The following CD247 variants were observed in gnomAD, a reference collection of about 807,000 sequenced individuals.
CD247 encodes CD247 molecule.
Under a neutral mutation model 30.0 loss-of-function variants are expected in CD247, and 13 were observed. The observed-to-expected ratio is 0.43, with a 90% CI of 0.28 to 0.69. CD247 has a LOEUF of 0.69. CD247 is among the 30% of genes least tolerant of loss of function. The pLI is 0.16. For synonymous variants in CD247, 72 were observed against 80.0 expected, an observed-to-expected ratio of 0.90 and a Z score of 0.53; for missense variants, 193 against 212.6, an observed-to-expected ratio of 0.91 and a Z score of 0.57.
chr1:167,458,426 G>C (rs186025569), intron 1 of CD247: 2 of 152,486 alleles, frequency 1.3e-5, no homozygotes, highest in Non-Finnish European at 2.9e-5. Context: ...ATGCCACCCA[G>C]CACAGCATCC....
At chr1:167,473,596 T>C (rs1653622984) in intron 1 of CD247, among the ~76,000 whole-genome samples, 1 of 152,212 alleles carries the variant, frequency 6.6e-6, no homozygotes, top group Admixed American at 6.5e-5. Context: ...GGGGAGTTCG[T>C]GCAGAACTGG....
chr1:167,517,817 C>T (rs1000288732), intron 1 of CD247, among the ~76,000 whole-genome samples: 1 of 152,172 alleles, frequency 6.6e-6, no homozygotes, highest in African/African-American at 2.4e-5. Flanking sequence ...CATGAGGTGG[C>T]GAAGGCGCTG....
chr1:167,484,401 C>T lies in CD247; in HGVS notation c.58+34007G>A, dbSNP rs557120170. Among the ~76,000 whole-genome samples the T allele has an allele frequency of 2.6e-5, 4 of 152,320 alleles. No individual in the cohort carries two copies. In the East Asian group the frequency reaches 7.7e-4, roughly 29 times the overall value. ...CTGAAGTCCCCTCTGTACACCCTTC[C>T]CCTTTGGGAGCCCAGAGGCCAAGGT... On this transcript the variant is annotated intron_variant, in intron 1 of 7. Transcript: ENST00000362089.
intron 1 of CD247, among the ~76,000 whole-genome samples, chr1:167,457,986 C>T (rs1324645766): frequency 6.6e-6 from 1 of 152,184 alleles, no homozygotes; most frequent in Non-Finnish European, 1.5e-5. Flanking sequence ...TTTCGCCCCT[C>T]ACATTTTCAA....
At chr1:167,511,524 T>A (rs1353839609) in intron 1 of CD247, among the ~76,000 whole-genome samples, 1 of 152,172 alleles carries the variant, frequency 6.6e-6, no homozygotes, top group Non-Finnish European at 1.5e-5. Flanking sequence ...TTTAGAACCA[T>A]CATAATACGT....
At chr1:167,505,105 T>A (rs1480221664) in intron 1 of CD247, among the ~76,000 whole-genome samples, 2 of 152,132 alleles carry the variant, frequency 1.3e-5, no homozygotes, top group East Asian at 1.9e-4. Flanking sequence ...GAGTGAAGAT[T>A]CCCTTGTACA....
chr1:167,464,508 T>C (rs1156263312), intron 1 of CD247, among the ~76,000 whole-genome samples: 1 of 152,182 alleles, frequency 6.6e-6, no homozygotes, highest in Non-Finnish European at 1.5e-5. Context: ...GGAAACTCCA[T>C]GGGGAGAAGC....
chr1:167,488,176 A>G lies in CD247; in HGVS notation c.58+30232T>C, dbSNP rs143814667. ...AATGAGATGATAATATGAGCACTCT[A>G]TTGTAAAGTGGAAATCAGGATACAG... On this transcript the variant is annotated intron_variant, in intron 1 of 7. Coordinates refer to ENST00000362089, the MANE Select transcript of CD247 (RefSeq NM_198053.3). Among the ~76,000 whole-genome samples the G allele has an allele frequency of 3.2e-3, 488 of 152,360 alleles. 4 individuals carry two copies. Among genetic ancestry groups the G allele is most frequent in the African/African-American group, 0.011 (459 of 41,584 alleles).
At chr1:167,475,887 G>T (rs1653726012) in intron 1 of CD247, among the ~76,000 whole-genome samples, 1 of 152,104 alleles carries the variant, frequency 6.6e-6, no homozygotes, top group South Asian at 2.1e-4. Context: ...AATGAACTGT[G>T]AAGTAAAAAA....
At chr1:167,459,554 T>C (rs935126022) in intron 1 of CD247, 10 of 152,298 alleles carry the variant, frequency 6.6e-5, no homozygotes, top group African/African-American at 2.2e-4. Context: ...GATTTTGCCA[T>C]GTTGGCCAGG....
intron 1 of CD247, among the ~76,000 whole-genome samples, chr1:167,473,672 T>C (rs748671890): frequency 3.9e-5 from 6 of 152,252 alleles, no homozygotes; most frequent in Non-Finnish European, 7.3e-5. Flanking sequence ...CAAGGGTCAC[T>C]GTGCTCTGCA....
intron 1 of CD247, among the ~76,000 whole-genome samples, chr1:167,454,891 C>A (rs953098793): frequency 2.0e-5 from 3 of 152,252 alleles, no homozygotes; most frequent in Non-Finnish European, 4.4e-5. Flanking sequence ...GCTCTGGGAT[C>A]CGTCCTGCCG....
chr1:167,459,407 C>T (rs1652892321), intron 1 of CD247, among the ~76,000 whole-genome samples: 3 of 126,950 alleles, frequency 2.4e-5, no homozygotes, highest in Non-Finnish European at 3.1e-5. Context: ...GGCTGGAGTG[C>T]AGTGGCATGA....
At chr1:167,456,613 C>T (rs1459230544) in intron 1 of CD247, among the ~76,000 whole-genome samples, 2 of 152,162 alleles carry the variant, frequency 1.3e-5, no homozygotes, top group African/African-American at 2.4e-5. Flanking sequence ...CCTTGTAACA[C>T]GTTCCCCCAG....
At chr1:167,489,329 G>T in intron 1 of CD247, among the ~76,000 whole-genome samples, 1 of 152,116 alleles carries the variant, frequency 6.6e-6, no homozygotes, top group Non-Finnish European at 1.5e-5. Context: ...TATTTAAATA[G>T]GATGAAATGT....
intron 4 of CD247, 47 bp from the exon 5 acceptor site, chr1:167,435,481 C>T: frequency 6.5e-7 from 1 of 1,528,166 alleles, no homozygotes; most frequent in Non-Finnish European, 9.1e-7. Flanking sequence ...AACACAAACC[C>T]AAGCCATGAA....
chr1:167,497,665 G>T (rs1240369020), intron 1 of CD247, among the ~76,000 whole-genome samples: 1 of 152,168 alleles, frequency 6.6e-6, no homozygotes, highest in Non-Finnish European at 1.5e-5. Context: ...AACAGAAAAA[G>T]CACTGGGCTG....
rs1018044256 is a variant in CD247 at position 167,451,209 on chromosome 1, T to C, written c.59-10442A>G. On this transcript the variant is annotated intron_variant, in intron 1 of 7. Transcript: ENST00000362089. ...AGCGTGTGGGGTTGTTAGGTAGAAC[T>C]TCCTTGGCCAGTGGCTTTTACTCTG... 2.0e-5 allele frequency among the ~76,000 whole-genome samples: 3 copies of C among 152,174 alleles called. No individual in the cohort carries two copies. The East Asian group carries it at 5.8e-4, about 29-fold the overall frequency.
At chr1:167,449,156 T>TTTTTTCTTCTTTTC (rs71572460) in intron 1 of CD247, among the ~76,000 whole-genome samples, 1 of 113,596 alleles carries the variant, frequency 8.8e-6, no homozygotes, top group African/African-American at 3.6e-5. Flanking sequence ...TTTCTTTTTT[T>TTTTTTCTTCTTTTC]TTTTTTTTTT....
Sources: gnomAD v4.1 joint callset for allele counts (sites outside exome capture counted in the v4.1 genomes callset) on GRCh38, gnomAD v4.1.1 for gene constraint, MANE v1.5 for transcripts, NCBI Gene and HGNC (gene_info 2026-07-23, HGNC 2026-07-21) for gene names.